PDE8B: variants seen among roughly 807,000 people sequenced by gnomAD.
The protein encoded by PDE8B is phosphodiesterase 8B.
In PDE8B, 26 loss-of-function variants were observed where a neutral mutation model predicts 101.3. The observed-to-expected ratio is 0.26, with a 90% confidence interval of 0.19 to 0.36. The LOEUF (loss-of-function observed/expected upper bound fraction) is 0.36, where lower values mean the gene tolerates loss of function less well. Among genes scored for constraint, PDE8B ranks in the 10% least tolerant of loss-of-function variants. The probability of loss-of-function intolerance (pLI) is 1.00; values close to 1 mark genes in which losing one functional copy is unlikely to be tolerated. For synonymous variants in PDE8B, 424 were observed against 429.3 expected (o/e 0.99, Z 0.15); for missense variants, 810 against 1,163.1 (o/e 0.70, Z 4.42).
At chr5:77,180,668 C>T in the PDE8B span, among the ~76,000 whole-genome samples, 1 of 152,226 alleles carries the variant, frequency 6.6e-6, no homozygotes, top group Non-Finnish European at 1.5e-5. Context: ...CAACTACCTC[C>T]TTCCTTTCCA....
intron 16 of PDE8B, 117 bp from the exon 17 acceptor site, chr5:77,412,994 C>CTG (rs945145834): frequency 5.9e-5 from 50 of 848,786 alleles, no homozygotes; most frequent in Middle Eastern, 6.8e-4. Context: ...TTTTAAACCC[C>CTG]TGTGTGTGTG....
chr5:77,221,746 C>T (rs1402593113), intron 1 of PDE8B, among the ~76,000 whole-genome samples: 1 of 152,118 alleles, frequency 6.6e-6, no homozygotes, highest in African/African-American at 2.4e-5. Flanking sequence ...CATTATGAAT[C>T]GTTATGGGTT....
chr5:77,344,970 T>C (rs1365285301), intron 7 of PDE8B, 39 bp downstream of exon 7: 1 of 1,371,978 alleles, frequency 7.3e-7, no homozygotes, highest in Non-Finnish European at 1.0e-6. Flanking sequence ...ACATTCAAAA[T>C]GAACCTTTCA....
At chr5:77,392,778 G>T (rs1790209606) in intron 10 of PDE8B, among the ~76,000 whole-genome samples, 1 of 152,178 alleles carries the variant, frequency 6.6e-6, no homozygotes, top group Non-Finnish European at 1.5e-5. Flanking sequence ...GCAGTACATT[G>T]GCAATGGAAA....
chr5:77,314,425 G>A (rs1351981905), intron 2 of PDE8B, among the ~76,000 whole-genome samples: 2 of 152,072 alleles, frequency 1.3e-5, no homozygotes, highest in African/African-American at 2.4e-5. Context: ...TGGGGGCTTC[G>A]GGGAGCTAGC....
rs115176721 is a variant in PDE8B, at chr5:77,401,325, A to G, written c.1210+1035A>G. On this transcript the variant is annotated intron_variant, in intron 11 of 21. Coordinates refer to ENST00000264917, the MANE Select transcript of PDE8B (RefSeq NM_003719.5). ...CTTGTAACACCTGAGCAGGGGTATT[A>G]TTTTAACTAACTTGGGAGCTTCTGG... 8.0e-3 allele frequency among the ~76,000 whole-genome samples: 1,221 copies of G among 152,280 alleles called. 12 individuals are homozygous for G. The highest frequency in any genetic ancestry group is 0.028 in the African/African-American group (1,154 of 41,562).
At chr5:77,413,478 G>T (rs1046639725) in intron 17 of PDE8B, among the ~76,000 whole-genome samples, 169 bp downstream of exon 17, 1 of 152,014 alleles carries the variant, frequency 6.6e-6, no homozygotes, top group African/African-American at 2.4e-5. Flanking sequence ...TAAAGACATG[G>T]ACCTTTCTGC....
chr5:77,099,657 G>A, the PDE8B span, among the ~76,000 whole-genome samples: 1 of 151,476 alleles, frequency 6.6e-6, no homozygotes, highest in Non-Finnish European at 1.5e-5. Context: ...TGTCACCCAG[G>A]CTGGAGTGCA....
At chr5:77,175,956 C>G in the PDE8B span, among the ~76,000 whole-genome samples, 5 of 152,266 alleles carry the variant, frequency 3.3e-5, no homozygotes, top group East Asian at 7.7e-4. Flanking sequence ...TTCAAGGGAA[C>G]CTAAATGGTG....
chr5:77,181,973 T>C, the PDE8B span, among the ~76,000 whole-genome samples: 1 of 152,110 alleles, frequency 6.6e-6, no homozygotes, highest in Non-Finnish European at 1.5e-5. Context: ...TTATTTTAAC[T>C]TTGTAGAGGT....
chr5:77,381,882 G>A (rs765263954), intron 10 of PDE8B, among the ~76,000 whole-genome samples: 1 of 152,180 alleles, frequency 6.6e-6, no homozygotes, highest in Non-Finnish European at 1.5e-5. Context: ...ATTGACAGCT[G>A]TTATACACAA....
intron 5 of PDE8B, among the ~76,000 whole-genome samples, chr5:77,332,979 T>TAA (rs555865800): frequency 7.6e-4 from 87 of 115,012 alleles, no homozygotes; most frequent in African/African-American, 2.9e-3. Flanking sequence ...ACTCCTGGCT[T>TAA]AAAAATATAT....
the PDE8B span, among the ~76,000 whole-genome samples, chr5:77,160,862 AG>A: frequency 6.6e-6 from 1 of 152,002 alleles, no homozygotes; most frequent in East Asian, 1.9e-4. Context: ...TATGTTGCCC[AG>A]GCTGGTCTCA....
At chr5:77,338,292 A>G (rs533992022) in intron 6 of PDE8B, among the ~76,000 whole-genome samples, 89 of 152,346 alleles carry the variant, frequency 5.8e-4, no homozygotes, top group Middle Eastern at 3.4e-3. Flanking sequence ...CCTCCGTCCC[A>G]GGGAGGCAAA....
intron 1 of PDE8B, among the ~76,000 whole-genome samples, chr5:77,239,104 G>C (rs1755248997): frequency 6.6e-6 from 1 of 152,150 alleles, no homozygotes; most frequent in Non-Finnish European, 1.5e-5. Flanking sequence ...CTTGTCCCAT[G>C]CAAGTTGTAA....
the PDE8B span, among the ~76,000 whole-genome samples, chr5:77,125,315 T>A: frequency 6.6e-6 from 1 of 152,250 alleles, no homozygotes; most frequent in African/African-American, 2.4e-5. Context: ...AAAATAACAG[T>A]TGTTGGCAAG....
intron 1 of PDE8B, among the ~76,000 whole-genome samples, chr5:77,302,144 T>C (rs552921562): frequency 1.2e-4 from 18 of 152,368 alleles, no homozygotes; most frequent in Admixed American, 9.8e-4. Flanking sequence ...CATTATACTG[T>C]GCCAGCCAAG....
chr5:77,193,940 A>G, the PDE8B span, among the ~76,000 whole-genome samples: 3 of 152,218 alleles, frequency 2.0e-5, no homozygotes, highest in East Asian at 1.9e-4. Context: ...CCAATGGTTC[A>G]TTGCTGGTAT....
chr5:77,414,124 G>A (rs1795068068), intron 17 of PDE8B, among the ~76,000 whole-genome samples: 1 of 152,288 alleles, frequency 6.6e-6, no homozygotes, highest in East Asian at 1.9e-4. Flanking sequence ...GGTATTGAGG[G>A]ATTAAGGTCC....
Sources: allele counts gnomAD v4.1 joint callset (sites outside exome capture counted in the v4.1 genomes callset), GRCh38; gene constraint gnomAD v4.1.1; transcripts MANE v1.5; gene names NCBI Gene and HGNC (gene_info 2026-07-23, HGNC 2026-07-21).